The following TCEANC2 variants were observed in gnomAD, a reference collection of about 807,000 sequenced individuals.
The protein encoded by TCEANC2 is transcription elongation factor A N-terminal and central domain containing 2.
TCEANC2 carries 20 observed loss-of-function variants against 22.8 expected under a neutral mutation model. The observed-to-expected ratio is 0.88, with a 90% CI of 0.62 to 1.28. The LOEUF (loss-of-function observed/expected upper bound fraction) is 1.28, where lower values mean the gene tolerates loss of function less well. TCEANC2 is among the 50% of genes most tolerant of loss of function. The pLI is 0.00. For synonymous variants in TCEANC2, 84 were observed against 95.5 expected (o/e 0.88, Z 0.70); for missense variants, 251 against 249.7 (o/e 1.01, Z -0.03).
At chr1:54,111,339 A>C (rs1289342415) in exon 5 of TCEANC2, 1 of 152,244 alleles carries the variant, frequency 6.6e-6, no homozygotes. Flanking sequence ...TAGGATTAGC[A>C]TAAGTACCAT....
chr1:54,073,111 A>G (rs556422591), intron 3 of TCEANC2, among the ~76,000 whole-genome samples: 10 of 152,220 alleles, frequency 6.6e-5, no homozygotes, highest in Non-Finnish European at 1.5e-4. Flanking sequence ...GACTACAGGT[A>G]GATGCCACCA....
intron 3 of TCEANC2, among the ~76,000 whole-genome samples, chr1:54,083,155 G>T (rs972368895): frequency 1.3e-5 from 2 of 152,190 alleles, no homozygotes; most frequent in South Asian, 4.1e-4. Flanking sequence ...CAAAAATGTT[G>T]AGTTAGAGGT....
At chr1:54,089,331 A>G (rs1056100868) in intron 4 of TCEANC2, among the ~76,000 whole-genome samples, 4 of 152,198 alleles carry the variant, frequency 2.6e-5, no homozygotes, top group Non-Finnish European at 1.5e-5. Context: ...ATAGCTGTCT[A>G]TTGAAAAGAC....
chr1:54,088,728 C>A lies in TCEANC2; in HGVS notation c.376C>A (p.Pro126Thr). The A allele has an allele frequency of 6.2e-7, 1 of 1,603,942 alleles. No homozygotes were observed. The highest frequency in any genetic ancestry group is 8.5e-7 in the Non-Finnish European group (1 of 1,175,260). ...ACCTTCTATTGAAGTTAGAAGTGAT[C>A]CCAAAACCGAGTCGTTGAGGAAAAA... Reference protein sequence around the residue: ...NRPSIEVRSDPKTESLRKNAQ... With the variant: ...NRPSIEVRSDTKTESLRKNAQ... Residue 126 changes from proline to threonine, a missense_variant, in exon 4 of 5, where the codon CCC (proline) becomes ACC (threonine). Coordinates refer to ENST00000234827, the MANE Select transcript of TCEANC2 (RefSeq NM_153035.3).
chr1:54,062,723 A>G (rs1657882095), intron 2 of TCEANC2, among the ~76,000 whole-genome samples: 1 of 152,230 alleles, frequency 6.6e-6, no homozygotes. Flanking sequence ...AGTCTTAAAA[A>G]ATGAATAAGT....
At position 54,103,226 on chromosome 1, in the gene TCEANC2, T is replaced by C. The variant is rs910365163; in HGVS notation, c.*6753T>C. On this transcript the variant is annotated 3_prime_UTR_variant, in exon 5 of 5. Transcript: ENST00000234827. ...GGTGTATAAACAGCAACCATGGTGG[T>C]GTAGTAGTCCATTTTCACACTGCTA... The C allele has an allele frequency of 1.3e-5, 2 of 152,248 alleles. No individual in the cohort carries two copies. Among genetic ancestry groups the C allele is most frequent in the African/African-American group, 4.8e-5 (2 of 41,438 alleles). The allele number at this position is 152,248 out of a possible 1,614,324, so 9.4% of individuals were successfully genotyped here. A position where few individuals can be genotyped will look rare whatever the true frequency, so the allele number is the denominator to read the frequency against.
At chr1:54,081,896 C>G (rs1036175030) in intron 3 of TCEANC2, among the ~76,000 whole-genome samples, 1 of 152,220 alleles carries the variant, frequency 6.6e-6, no homozygotes, top group Admixed American at 6.5e-5. Context: ...TTGAAGCTTT[C>G]TGTCCTTCGG....
In TCEANC2 at chr1:54,104,846, G is replaced by T; in HGVS notation, c.*8373G>T. 1 of 325,448 alleles carries T rather than the reference G, an allele frequency of 3.1e-6. No individual in the cohort carries two copies. Among genetic ancestry groups the T allele is most frequent in the Non-Finnish European group, 6.2e-6 (1 of 161,130 alleles). The allele number at this position is 325,448 out of a possible 1,614,324, so 20.2% of individuals were successfully genotyped here. On this transcript the variant is annotated 3_prime_UTR_variant, in exon 5 of 5. Transcript: ENST00000234827. Reference sequence around the variant, plus strand: ...CGTGAGCCACTGCGCCTGGCCCCTTGCCCAATATTTATAAAATAATTATAC... The same window carrying T: ...CGTGAGCCACTGCGCCTGGCCCCTTTCCCAATATTTATAAAATAATTATAC...
intron 3 of TCEANC2, among the ~76,000 whole-genome samples, chr1:54,074,941 C>T (rs1382438569): frequency 6.6e-6 from 1 of 152,102 alleles, no homozygotes; most frequent in Non-Finnish European, 1.5e-5. Flanking sequence ...GGAAAAGGAT[C>T]CTAACATGTT....
chr1:54,082,175 G>T (rs965544589), intron 3 of TCEANC2, among the ~76,000 whole-genome samples: 3 of 152,094 alleles, frequency 2.0e-5, no homozygotes, highest in Non-Finnish European at 4.4e-5. Flanking sequence ...ATATAATAAT[G>T]GTATTTAAGT....
In TCEANC2 at chr1:54,097,066, T is replaced by G. The variant is rs1000241300; in HGVS notation, c.*593T>G. 4 of 870,242 alleles carry G rather than the reference T, an allele frequency of 4.6e-6. No homozygotes were observed. In the African/African-American group the frequency reaches 7.3e-5, roughly 16 times the overall value. 53.9% of individuals were successfully genotyped at this position (870,242 alleles called of 1,614,324 possible). A position where few individuals can be genotyped will look rare whatever the true frequency, so the allele number is the denominator to read the frequency against. On this transcript the variant is annotated 3_prime_UTR_variant, in exon 5 of 5. Transcript: ENST00000234827. ...GCGTTGGTCTCCAGAGCCCCCATGC[T>G]GAGGCTACTAATGAGGAACTGGCCC...
At chr1:54,089,290 A>T (rs568133111) in intron 4 of TCEANC2, among the ~76,000 whole-genome samples, 40 of 152,300 alleles carry the variant, frequency 2.6e-4, no homozygotes, top group African/African-American at 9.4e-4. Context: ...TCTGTGATGG[A>T]CTGTGTTATG....
chr1:54,112,205 CAACAACAACA>C (rs941994919), exon 5 of TCEANC2: 2 of 151,750 alleles, frequency 1.3e-5, no homozygotes, highest in African/African-American at 4.8e-5. Context: ...ACAACAACAA[CAACAACAACA>C]AATAGCCAGG....
chr1:54,059,601 C>T (rs1426100787), intron 2 of TCEANC2, among the ~76,000 whole-genome samples: 6 of 152,198 alleles, frequency 3.9e-5, no homozygotes, highest in Admixed American at 3.3e-4. Context: ...CTCATTAGTA[C>T]TCTCAACGTT....
intron 1 of TCEANC2, 81 bp downstream of exon 1, chr1:54,053,839 T>A (rs1255111106): frequency 2.0e-5 from 3 of 153,264 alleles, no homozygotes; most frequent in Non-Finnish European, 4.4e-5. Flanking sequence ...GGGTTTCTCC[T>A]TGTTCGGGGA....
At chr1:54,109,818 C>T (rs1040179599), downstream of TCEANC2, among the ~76,000 whole-genome samples, 9 of 152,224 alleles carry the variant, frequency 5.9e-5, no homozygotes, top group Non-Finnish European at 1.3e-4. Flanking sequence ...TCCCCTCCTG[C>T]CTGATGTAGA....
chr1:54,095,215 C>T (rs1658522233), intron 4 of TCEANC2, among the ~76,000 whole-genome samples: 1 of 152,172 alleles, frequency 6.6e-6, no homozygotes, highest in Admixed American at 6.5e-5. Flanking sequence ...GGCATGGTGG[C>T]AGCCTGAAGA....
chr1:54,062,885 TAA>T (rs1419928032), intron 2 of TCEANC2, among the ~76,000 whole-genome samples: 2 of 152,360 alleles, frequency 1.3e-5, no homozygotes, highest in East Asian at 3.9e-4. Flanking sequence ...TATGCCATGC[TAA>T]AGAGTTTGGA....
At chr1:54,086,918 G>T (rs930852372) in intron 3 of TCEANC2, among the ~76,000 whole-genome samples, 1 of 152,140 alleles carries the variant, frequency 6.6e-6, no homozygotes, top group African/African-American at 2.4e-5. Context: ...GGAAAAGGAG[G>T]AATCCTGGAG....
Sources: allele counts gnomAD v4.1 joint callset (sites outside exome capture counted in the v4.1 genomes callset), GRCh38; gene constraint gnomAD v4.1.1; transcripts MANE v1.5; gene names NCBI Gene and HGNC (gene_info 2026-07-23, HGNC 2026-07-21).